NELL1: variants seen among roughly 807,000 people sequenced by gnomAD.
NELL1 encodes protein kinase C-binding protein NELL1.
NELL1 carries 76 observed loss-of-function variants against 107.4 expected under a neutral mutation model. The observed-to-expected ratio is 0.71, with a 90% CI of 0.59 to 0.86. The LOEUF (loss-of-function observed/expected upper bound fraction) is 0.86, where lower values mean the gene tolerates loss of function less well. NELL1 is among the 40% of genes least tolerant of loss of function. The probability of loss-of-function intolerance (pLI) is 0.00; values close to 1 mark genes in which losing one functional copy is unlikely to be tolerated. For synonymous variants in NELL1, 353 were observed against 341.2 expected, an observed-to-expected ratio of 1.03 and a Z score of -0.38; for missense variants, 1,024 against 1,005.5, an observed-to-expected ratio of 1.02 and a Z score of -0.25.
chr11:21,373,668 T>C (rs1851404724), intron 15 of NELL1, among the ~76,000 whole-genome samples: 1 of 152,116 alleles, frequency 6.6e-6, no homozygotes. Context: ...GTGTTTGGTA[T>C]GTAACACACA....
intron 15 of NELL1, among the ~76,000 whole-genome samples, chr11:21,500,126 A>G (rs1368143587): frequency 3.3e-5 from 5 of 152,076 alleles, no homozygotes; most frequent in Admixed American, 6.6e-5. Context: ...AAGTGAATCA[A>G]TTTTTTAAAA....
intron 14 of NELL1, among the ~76,000 whole-genome samples, chr11:21,235,547 A>G (rs1044698792): frequency 1.3e-5 from 2 of 152,118 alleles, no homozygotes; most frequent in African/African-American, 4.8e-5. Context: ...GTAGTGTTTA[A>G]GCTTCTCTTA....
chr11:21,265,361 A>C (rs1848614690), intron 14 of NELL1, among the ~76,000 whole-genome samples: 1 of 152,050 alleles, frequency 6.6e-6, no homozygotes, highest in Non-Finnish European at 1.5e-5. Context: ...CAAGGGCTAC[A>C]GTGGATTTGG....
chr11:20,931,890 A>G (rs1051140280), intron 9 of NELL1, among the ~76,000 whole-genome samples: 9 of 93,038 alleles, frequency 9.7e-5, no homozygotes, highest in African/African-American at 2.3e-4. Flanking sequence ...GTAGTATTCT[A>G]GGGACACCAG....
intron 14 of NELL1, among the ~76,000 whole-genome samples, chr11:21,254,260 A>G (rs1455204189): frequency 6.6e-6 from 1 of 152,154 alleles, no homozygotes; most frequent in Non-Finnish European, 1.5e-5. Flanking sequence ...TGTTAAGTAT[A>G]AGACTAATTG....
At chr11:21,167,444 A>G (rs1856509883) in intron 13 of NELL1, among the ~76,000 whole-genome samples, 1 of 151,772 alleles carries the variant, frequency 6.6e-6, no homozygotes, top group South Asian at 2.1e-4. Context: ...GTTAAGGCTC[A>G]CTCTGATGGA....
intron 12 of NELL1, among the ~76,000 whole-genome samples, chr11:21,099,234 A>G (rs3958158): frequency 1.6e-5 from 1 of 64,004 alleles, no homozygotes; most frequent in Non-Finnish European, 3.2e-5. Context: ...CACACACACA[A>G]ACACACACAC....
intron 15 of NELL1, among the ~76,000 whole-genome samples, chr11:21,387,713 A>G (rs1054204114): frequency 2.6e-5 from 4 of 151,932 alleles, no homozygotes; most frequent in East Asian, 3.9e-4. Flanking sequence ...TTTTTTCTCA[A>G]TTGAACTCTG....
intron 12 of NELL1, among the ~76,000 whole-genome samples, chr11:21,009,513 A>G (rs1326607272): frequency 1.3e-5 from 2 of 152,072 alleles, no homozygotes; most frequent in African/African-American, 2.4e-5. Context: ...CACAGGCACA[A>G]GGGTGCATAA....
At chr11:21,194,113 C>G (rs1857101786) in intron 13 of NELL1, among the ~76,000 whole-genome samples, 1 of 151,832 alleles carries the variant, frequency 6.6e-6, no homozygotes, top group Non-Finnish European at 1.5e-5. Flanking sequence ...GTTAAAATAT[C>G]TCTAAAGGAC....
At chr11:21,252,555 A>G (rs762244354) in intron 14 of NELL1, among the ~76,000 whole-genome samples, 2 of 152,144 alleles carry the variant, frequency 1.3e-5, no homozygotes, top group Non-Finnish European at 2.9e-5. Flanking sequence ...TAGCAGTTTG[A>G]ACCTCAAAAT....
At chr11:20,884,616 G>T (rs952482365) in intron 4 of NELL1, among the ~76,000 whole-genome samples, 3 of 152,164 alleles carry the variant, frequency 2.0e-5, no homozygotes, top group Non-Finnish European at 4.4e-5. Flanking sequence ...CCGGACCTTG[G>T]TAGGATGGAA....
chr11:21,306,721 G>A (rs530665690), intron 14 of NELL1, among the ~76,000 whole-genome samples: 1 of 152,130 alleles, frequency 6.6e-6, no homozygotes, highest in Non-Finnish European at 1.5e-5. Flanking sequence ...ATTCATGCCA[G>A]ATCAAGGTAC....
chr11:20,913,588 A>G (rs1449610782), intron 5 of NELL1, among the ~76,000 whole-genome samples: 1 of 152,034 alleles, frequency 6.6e-6, no homozygotes, highest in African/African-American at 2.4e-5. Context: ...ATAATATACA[A>G]TGTACCTGGT....
intron 15 of NELL1, among the ~76,000 whole-genome samples, chr11:21,504,376 T>A (rs1855228191): frequency 6.6e-6 from 1 of 152,212 alleles, no homozygotes; most frequent in Non-Finnish European, 1.5e-5. Context: ...TGTTCTTGGA[T>A]GTACATGTGG....
At chr11:21,362,555 GTCT>G (rs1316421202) in intron 14 of NELL1, among the ~76,000 whole-genome samples, 3 of 152,124 alleles carry the variant, frequency 2.0e-5, no homozygotes, top group African/African-American at 7.2e-5. Flanking sequence ...ATTAGGTGTC[GTCT>G]TCTTCTTTCT....
intron 14 of NELL1, among the ~76,000 whole-genome samples, chr11:21,285,463 T>C (rs1181817767): frequency 1.3e-5 from 2 of 152,228 alleles, no homozygotes; most frequent in East Asian, 1.9e-4. Flanking sequence ...TAGGACAACA[T>C]ACAGCAGAGC....
chr11:21,149,877 T>G (rs1202128843), intron 13 of NELL1, among the ~76,000 whole-genome samples: 1 of 152,062 alleles, frequency 6.6e-6, no homozygotes, highest in East Asian at 1.9e-4. Flanking sequence ...ATTTAAAAAG[T>G]ACCAGTGAAT....
chr11:21,453,649 G>A (rs1853643591), intron 15 of NELL1, among the ~76,000 whole-genome samples: 1 of 151,352 alleles, frequency 6.6e-6, no homozygotes. Flanking sequence ...TTATATAGTT[G>A]GGTTTAAATC....
Sources: gnomAD v4.1 joint callset for allele counts (sites outside exome capture counted in the v4.1 genomes callset) on GRCh38, gnomAD v4.1.1 for gene constraint, MANE v1.5 for transcripts, NCBI Gene and HGNC (gene_info 2026-07-23, HGNC 2026-07-21) for gene names.